The following TLL1 variants were observed in gnomAD, a reference collection of about 807,000 sequenced individuals.
TLL1 encodes tolloid-like protein 1.
TLL1 carries 49 observed loss-of-function variants against 128.2 expected under a neutral mutation model. That is an observed-to-expected ratio of 0.38 (90% CI 0.30 to 0.48). TLL1 has a LOEUF of 0.48. Ranked by LOEUF, TLL1 falls within the 20% of genes least tolerant of loss-of-function variation. The probability of loss-of-function intolerance (pLI) is 0.96; values close to 1 mark genes in which losing one functional copy is unlikely to be tolerated. For missense variants in TLL1, 1,123 were observed against 1,242.0 expected, an observed-to-expected ratio of 0.90 and a Z score of 1.44; for synonymous variants, 454 against 418.8, an observed-to-expected ratio of 1.08 and a Z score of -1.03.
At chr4:166,086,982 GA>G (rs928914488) in intron 18 of TLL1, among the ~76,000 whole-genome samples, 118 of 151,914 alleles carry the variant, frequency 7.8e-4, no homozygotes, top group Middle Eastern at 6.8e-3. Flanking sequence ...GATGCTTGGG[GA>G]AAAAAAAGTC....
At chr4:165,955,643 T>G (rs1734748064) in intron 1 of TLL1, among the ~76,000 whole-genome samples, 2 of 152,164 alleles carry the variant, frequency 1.3e-5, no homozygotes, top group African/African-American at 2.4e-5. Context: ...ATTCAGCATC[T>G]TTATTGAAAG....
intron 5 of TLL1, among the ~76,000 whole-genome samples, chr4:165,999,921 A>G (rs1737072458): frequency 6.6e-6 from 1 of 152,256 alleles, no homozygotes; most frequent in African/African-American, 2.4e-5. Context: ...AATCTAATAG[A>G]TTAGCTTCCA....
At chr4:165,951,599 A>G (rs1423038966) in intron 1 of TLL1, among the ~76,000 whole-genome samples, 1 of 152,180 alleles carries the variant, frequency 6.6e-6, no homozygotes, top group African/African-American at 2.4e-5. Flanking sequence ...TGTTAAAAAG[A>G]AAGAGCTATA....
intron 1 of TLL1, among the ~76,000 whole-genome samples, chr4:165,881,595 G>A (rs1730969942): frequency 6.6e-6 from 1 of 152,252 alleles, no homozygotes; most frequent in Non-Finnish European, 1.5e-5. Flanking sequence ...TAAGACCAGT[G>A]TTTTATAATC....
chr4:166,044,826 T>A (rs1026301384), intron 12 of TLL1, among the ~76,000 whole-genome samples: 3 of 152,236 alleles, frequency 2.0e-5, no homozygotes, highest in East Asian at 3.8e-4. Flanking sequence ...TCTTTTAATA[T>A]GTAATTCAGT....
chr4:165,917,962 C>G (rs953080979), intron 1 of TLL1, among the ~76,000 whole-genome samples: 2 of 152,070 alleles, frequency 1.3e-5, no homozygotes, highest in African/African-American at 4.8e-5. Context: ...TGCAAAGATG[C>G]TACTATTTCT....
At position 166,101,566 on chromosome 4, in the gene TLL1, A is replaced by C. The variant is rs887424331; in HGVS notation, c.*690A>C. 1 of 152,406 alleles carries C rather than the reference A, an allele frequency of 6.6e-6. No homozygotes were observed. The highest frequency in any genetic ancestry group is 2.4e-5 in the African/African-American group (1 of 41,442). The allele number at this position is 152,406 out of a possible 1,614,324, so 9.4% of individuals were successfully genotyped here. A position where few individuals can be genotyped will look rare whatever the true frequency, so the allele number is the denominator to read the frequency against. ...TCTAATTATTGCAGTTAAATTCTAG[A>C]CATCAGTTCTTTAAGTCTCAGAAAA... On this transcript the variant is annotated 3_prime_UTR_variant, in exon 21 of 21. Transcript: ENST00000061240.
intron 5 of TLL1, among the ~76,000 whole-genome samples, chr4:165,995,980 T>A (rs1047823869): frequency 6.6e-6 from 1 of 152,176 alleles, no homozygotes; most frequent in Admixed American, 6.6e-5. Context: ...TTTTTAATAA[T>A]CTCCCATTTC....
Position 165,989,371 on chromosome 4 carries a change from C to A in TLL1, c.170-10C>A, listed in dbSNP as rs772995298. 2.5e-6 allele frequency: 4 copies of A among 1,590,910 alleles called. No individual in the cohort carries two copies. The Admixed American group carries it at 5.0e-5, about 20-fold the overall frequency. ...TATTTTACATTTTAATTCAACTTTT[C>A]TTTTTTTAGCTGTATTTTGGGGCGA... On this transcript the variant is annotated splice_polypyrimidine_tract_variant and intron_variant, in intron 1 of 20. Transcript: ENST00000061240.
chr4:165,931,358 A>T (rs1010852363), intron 1 of TLL1, among the ~76,000 whole-genome samples: 2 of 152,132 alleles, frequency 1.3e-5, no homozygotes, highest in Non-Finnish European at 2.9e-5. Context: ...AACTTTATAC[A>T]GTTAGGTTTC....
At chr4:165,887,175 A>C (rs1237450000) in intron 1 of TLL1, among the ~76,000 whole-genome samples, 3 of 152,202 alleles carry the variant, frequency 2.0e-5, no homozygotes, top group African/African-American at 7.2e-5. Context: ...AATCTAAAGC[A>C]GATCATTGGC....
At chr4:165,900,855 C>T (rs1731952503) in intron 1 of TLL1, among the ~76,000 whole-genome samples, 1 of 152,140 alleles carries the variant, frequency 6.6e-6, no homozygotes, top group African/African-American at 2.4e-5. Flanking sequence ...CCATTCTCCC[C>T]ATCACTTTCA....
rs1419409960 is a variant in TLL1, at chr4:166,056,058, T to A, written c.1720+787T>A. Among the ~76,000 whole-genome samples the A allele has an allele frequency of 2.0e-5, 3 of 152,098 alleles. No homozygotes were observed. In the East Asian group the frequency reaches 5.8e-4, roughly 29 times the overall value. ...AAATATTGTCATAATTTAAAGAAGA[T>A]CAGTGTAATGGATTTTCCCTGGAAG... On this transcript the variant is annotated intron_variant, in intron 13 of 20. Transcript: ENST00000061240.
chr4:165,993,301 T>A, intron 3 of TLL1, among the ~76,000 whole-genome samples: 1 of 152,112 alleles, frequency 6.6e-6, no homozygotes, highest in Non-Finnish European at 1.5e-5. Flanking sequence ...TTAAAATGTT[T>A]TGACCATTCA....
intron 17 of TLL1, 76 bp downstream of exon 17, chr4:166,075,079 G>T (rs1285625033): frequency 7.6e-6 from 12 of 1,586,752 alleles, no homozygotes; most frequent in Non-Finnish European, 1.0e-5. Flanking sequence ...CTTCCAAGTA[G>T]AGTTAATCAT....
chr4:166,059,963 G>C, intron 14 of TLL1, 65 bp from the exon 15 acceptor site: 3 of 1,585,614 alleles, frequency 1.9e-6, no homozygotes, highest in Non-Finnish European at 2.6e-6. Context: ...TTAATTAATG[G>C]ACAGGTGCTA....
intron 12 of TLL1, among the ~76,000 whole-genome samples, chr4:166,048,344 G>T (rs1739559225): frequency 6.6e-6 from 1 of 151,850 alleles, no homozygotes; most frequent in African/African-American, 2.4e-5. Context: ...ATCTGCTAGT[G>T]CCTTAACCTT....
intron 16 of TLL1, among the ~76,000 whole-genome samples, chr4:166,069,117 A>G (rs1002416637): frequency 6.6e-6 from 1 of 151,800 alleles, no homozygotes; most frequent in Admixed American, 6.6e-5. Context: ...TAGTTTGCAA[A>G]CACTGCCTTA....
intron 1 of TLL1, among the ~76,000 whole-genome samples, chr4:165,890,117 C>T (rs1174969643): frequency 2.6e-5 from 4 of 152,092 alleles, no homozygotes; most frequent in Admixed American, 1.3e-4. Flanking sequence ...CCTTATAAAA[C>T]CATTAGGTCT....
Sources: gnomAD v4.1 joint callset for allele counts (sites outside exome capture counted in the v4.1 genomes callset) on GRCh38, gnomAD v4.1.1 for gene constraint, MANE v1.5 for transcripts, NCBI Gene and HGNC (gene_info 2026-07-23, HGNC 2026-07-21) for gene names.